Variants in LINGO2 observed in about 807,000 individuals in gnomAD.
The protein encoded by LINGO2 is leucine rich repeat and Ig domain containing 2, also known as leucine-rich repeat and immunoglobulin-like domain-containing nogo receptor-interacting protein 2.
In LINGO2, 14 loss-of-function variants were observed where a neutral mutation model predicts 30.6. The ratio of observed to expected loss-of-function variants is 0.46; its 90% CI spans 0.30 to 0.72. The LOEUF is 0.72. Among genes scored for constraint, LINGO2 ranks in the 30% least tolerant of loss-of-function variants. The pLI is 0.07. For synonymous variants in LINGO2, 317 were observed against 288.5 expected (o/e 1.10, Z -1.00); for missense variants, 729 against 751.7 (o/e 0.97, Z 0.35).
chr9:28,838,175 T>G, the LINGO2 span, among the ~76,000 whole-genome samples: 1 of 152,132 alleles, frequency 6.6e-6, no homozygotes, highest in Non-Finnish European at 1.5e-5. Context: ...ACAGTGACAT[T>G]TTCCAAAAGC....
the LINGO2 span, among the ~76,000 whole-genome samples, chr9:29,097,253 C>G: frequency 7.2e-6 from 1 of 138,230 alleles, no homozygotes; most frequent in African/African-American, 2.7e-5. Context: ...ATAAGCAAAA[C>G]AGAACATATA....
intron 4 of LINGO2, among the ~76,000 whole-genome samples, chr9:28,043,766 G>T (rs944242258): frequency 6.6e-6 from 1 of 152,014 alleles, no homozygotes; most frequent in Non-Finnish European, 1.5e-5. Flanking sequence ...AACAATCCTG[G>T]CATGACTAAT....
chr9:28,497,378 A>G (rs924705444), intron 1 of LINGO2, among the ~76,000 whole-genome samples: 3 of 151,988 alleles, frequency 2.0e-5, no homozygotes, highest in Non-Finnish European at 4.4e-5. Context: ...TTTTTTCTCT[A>G]AACTTCTCTT....
intron 1 of LINGO2, among the ~76,000 whole-genome samples, chr9:28,564,977 C>T (rs1357915601): frequency 1.3e-5 from 2 of 151,968 alleles, no homozygotes; most frequent in Non-Finnish European, 2.9e-5. Context: ...ACATGTTATT[C>T]CCTTAAAGTA....
chr9:28,759,173 C>T, the LINGO2 span, among the ~76,000 whole-genome samples: 7 of 152,124 alleles, frequency 4.6e-5, no homozygotes, highest in African/African-American at 9.7e-5. Flanking sequence ...AGAGGAGAGA[C>T]TCTATGAGTG....
intron 4 of LINGO2, among the ~76,000 whole-genome samples, chr9:28,144,997 A>C (rs2133515805): frequency 6.6e-6 from 1 of 152,332 alleles, no homozygotes; most frequent in East Asian, 1.9e-4. Context: ...CTCTGAAAGA[A>C]ATGAATGCAA....
intron 4 of LINGO2, among the ~76,000 whole-genome samples, chr9:28,127,993 C>G (rs1827286032): frequency 6.6e-6 from 1 of 152,156 alleles, no homozygotes; most frequent in Admixed American, 6.5e-5. Context: ...TTAAGTGTCT[C>G]TATTTAAAAA....
chr9:28,035,079 T>C (rs1587735972), intron 4 of LINGO2, among the ~76,000 whole-genome samples: 1 of 152,232 alleles, frequency 6.6e-6, no homozygotes, highest in East Asian at 1.9e-4. Context: ...ATTCAAATAC[T>C]TTCTAAAAAA....
At chr9:28,637,359 A>G (rs1431011212) in intron 1 of LINGO2, among the ~76,000 whole-genome samples, 1 of 152,146 alleles carries the variant, frequency 6.6e-6, no homozygotes, top group African/African-American at 2.4e-5. Flanking sequence ...TCTGTGAAAA[A>G]AGTCATTGAT....
At chr9:28,433,943 C>CTATATATATATATATATATA (rs1220018056) in intron 2 of LINGO2, among the ~76,000 whole-genome samples, 1 of 50,828 alleles carries the variant, frequency 2.0e-5, no homozygotes, top group Admixed American at 2.8e-4. Flanking sequence ...CTCTCTCTCT[C>CTATATATATATATATATATA]TCTCTCTATA....
the LINGO2 span, among the ~76,000 whole-genome samples, chr9:28,907,846 C>T: frequency 4.6e-5 from 7 of 151,532 alleles, no homozygotes; most frequent in South Asian, 2.1e-4. Context: ...AAATTGCATT[C>T]GAGATGACTG....
chr9:28,612,765 G>C (rs899476297), intron 1 of LINGO2, among the ~76,000 whole-genome samples: 1 of 152,124 alleles, frequency 6.6e-6, no homozygotes, highest in African/African-American at 2.4e-5. Flanking sequence ...GATGGAATGA[G>C]TTAAGACTTT....
the LINGO2 span, among the ~76,000 whole-genome samples, chr9:28,697,950 T>C: frequency 2.6e-5 from 4 of 152,104 alleles, no homozygotes; most frequent in Non-Finnish European, 4.4e-5. Context: ...AAAATTTAGA[T>C]GCAAAATTTT....
chr9:28,722,391 T>C, the LINGO2 span, among the ~76,000 whole-genome samples: 1 of 152,088 alleles, frequency 6.6e-6, no homozygotes, highest in East Asian at 1.9e-4. Context: ...ATCTGTATAA[T>C]TATGGAAAAG....
At chr9:28,484,597 C>T (rs1483617991) in intron 1 of LINGO2, among the ~76,000 whole-genome samples, 1 of 152,056 alleles carries the variant, frequency 6.6e-6, no homozygotes, top group Non-Finnish European at 1.5e-5. Flanking sequence ...TTTGGATGTA[C>T]TTCAATTTGT....
At chr9:29,022,345 G>T in the LINGO2 span, among the ~76,000 whole-genome samples, 1 of 152,116 alleles carries the variant, frequency 6.6e-6, no homozygotes, top group African/African-American at 2.4e-5. Context: ...TTGCAGCTAG[G>T]CTTTCCCTCA....
the LINGO2 span, among the ~76,000 whole-genome samples, chr9:28,685,877 T>C: frequency 2.0e-5 from 3 of 152,056 alleles, no homozygotes; most frequent in African/African-American, 7.2e-5. Flanking sequence ...ACTTGCACCA[T>C]TATTGGTGAG....
intron 4 of LINGO2, among the ~76,000 whole-genome samples, chr9:28,030,810 A>G (rs1286056573): frequency 1.3e-5 from 2 of 151,958 alleles, no homozygotes; most frequent in South Asian, 4.2e-4. Flanking sequence ...GGCAGGGAGT[A>G]ATCCAATGAT....
the LINGO2 span, among the ~76,000 whole-genome samples, chr9:29,017,649 A>T: frequency 6.6e-6 from 1 of 152,122 alleles, no homozygotes; most frequent in African/African-American, 2.4e-5. Context: ...AAGGTGAGAC[A>T]GAGAACAGAG....
Sources: allele counts gnomAD v4.1 joint callset (sites outside exome capture counted in the v4.1 genomes callset), GRCh38; gene constraint gnomAD v4.1.1; transcripts MANE v1.5; gene names NCBI Gene and HGNC (gene_info 2026-07-23, HGNC 2026-07-21).